Variants in KLHL1 observed in about 807,000 individuals in gnomAD.
KLHL1 encodes kelch like family member 1.
In KLHL1, 47 loss-of-function variants were observed where a neutral mutation model predicts 77.7. The ratio of observed to expected loss-of-function variants is 0.60; its 90% CI spans 0.48 to 0.77. The LOEUF is 0.77. Among genes scored for constraint, KLHL1 ranks in the 30% least tolerant of loss-of-function variants. The probability of loss-of-function intolerance (pLI) is 0.00; values close to 1 mark genes in which losing one functional copy is unlikely to be tolerated. For synonymous variants in KLHL1, 360 were observed against 325.2 expected (o/e 1.11, Z -1.15); for missense variants, 925 against 910.8 (o/e 1.02, Z -0.20).
rs1418282120 is a variant in KLHL1 at position 69,982,479 on chromosome 13, T to TAATAAA, written c.498-6678_498-6677insTTTATT. Among the ~76,000 whole-genome samples, 831 of 141,974 alleles carry TAATAAA rather than the reference T, an allele frequency of 5.9e-3. 5 individuals carry two copies. Among genetic ancestry groups the TAATAAA allele is most frequent in the Middle Eastern group, 0.011 (3 of 270 alleles). The allele number at this position is 141,974 out of a possible 152,430, so 93.1% of individuals were successfully genotyped here. On this transcript the variant is annotated intron_variant, in intron 1 of 10. Coordinates refer to ENST00000377844, the MANE Select transcript of KLHL1 (RefSeq NM_020866.3). ...ATAATAATAATAATAATAATAATAA[T>TAATAAA]AAAATAAAAAGCAATAAATCAAAAC...
At chr13:69,733,613 T>C (rs1873645149) in intron 8 of KLHL1, among the ~76,000 whole-genome samples, 1 of 152,228 alleles carries the variant, frequency 6.6e-6, no homozygotes, top group African/African-American at 2.4e-5. Context: ...TAAAGATGTT[T>C]GATCACATCA....
chr13:69,878,741 G>A (rs1880867487), intron 5 of KLHL1, among the ~76,000 whole-genome samples: 2 of 151,798 alleles, frequency 1.3e-5, no homozygotes, highest in Admixed American at 1.3e-4. Context: ...GAGAGTGAGA[G>A]AGAGAAAGAT....
chr13:69,892,090 C>A (rs1232148648), intron 4 of KLHL1, among the ~76,000 whole-genome samples: 1 of 151,972 alleles, frequency 6.6e-6, no homozygotes, highest in Non-Finnish European at 1.5e-5. Context: ...CTGGTAGAGC[C>A]TAAACTTATC....
At chr13:69,889,484 C>A (rs891482906) in intron 4 of KLHL1, among the ~76,000 whole-genome samples, 4 of 152,002 alleles carry the variant, frequency 2.6e-5, no homozygotes, top group African/African-American at 7.2e-5. Context: ...ACAACCTGGC[C>A]TATCTATTAT....
intron 6 of KLHL1, among the ~76,000 whole-genome samples, chr13:69,837,670 G>GTATATA (rs140655235): frequency 3.2e-5 from 4 of 123,974 alleles, no homozygotes; most frequent in East Asian, 4.2e-4. Context: ...GTGTGTGTGT[G>GTATATA]TATATATATA....
chr13:70,102,112 C>T (rs1462499344), intron 1 of KLHL1, among the ~76,000 whole-genome samples: 1 of 152,050 alleles, frequency 6.6e-6, no homozygotes, highest in Non-Finnish European at 1.5e-5. Context: ...TTATCATTTT[C>T]AAAGTTGGTT....
chr13:69,890,783 CTA>C, intron 4 of KLHL1, among the ~76,000 whole-genome samples: 1 of 151,912 alleles, frequency 6.6e-6, no homozygotes, highest in East Asian at 1.9e-4. Context: ...TTAGTTGAAA[CTA>C]TATATGTCTG....
chr13:69,768,732 T>C (rs1875429694), intron 7 of KLHL1, among the ~76,000 whole-genome samples: 1 of 152,152 alleles, frequency 6.6e-6, no homozygotes, highest in Non-Finnish European at 1.5e-5. Flanking sequence ...TAATACACTG[T>C]TTATGTTTTT....
rs115191088 is a variant in KLHL1, at chr13:69,778,549, G to A, written c.1639+18189C>T. ...GACAGATAAGACATAGTTCTTGATT[G>A]TACAAGAGATATCTATGGATTTCAG... On this transcript the variant is annotated intron_variant, in intron 7 of 10. Coordinates refer to ENST00000377844, the MANE Select transcript of KLHL1 (RefSeq NM_020866.3). Among the ~76,000 whole-genome samples, 1,333 of 152,150 alleles carry A rather than the reference G, an allele frequency of 8.8e-3. 8 individuals are homozygous for A. Among genetic ancestry groups the A allele is most frequent in the African/African-American group, 0.031 (1,268 of 41,500 alleles).
At chr13:69,870,765 G>C (rs577624865) in intron 5 of KLHL1, among the ~76,000 whole-genome samples, 1 of 151,988 alleles carries the variant, frequency 6.6e-6, no homozygotes, top group African/African-American at 2.4e-5. Context: ...AATCAAGCAG[G>C]AGAGACATTA....
At chr13:70,017,154 AC>A (rs577407820) in intron 1 of KLHL1, among the ~76,000 whole-genome samples, 338 of 152,320 alleles carry the variant, frequency 2.2e-3, no homozygotes, top group Non-Finnish European at 3.8e-3. Flanking sequence ...AGAACTCAGG[AC>A]CTGCCAAATG....
In KLHL1 at chr13:69,743,838, A is replaced by C. The variant is rs891402910; in HGVS notation, c.1640-3282T>G. Among the ~76,000 whole-genome samples, 8 of 145,572 alleles carry C rather than the reference A, an allele frequency of 5.5e-5. No individual in the cohort carries two copies. The East Asian group carries it at 8.2e-4, about 15-fold the overall frequency. On this transcript the variant is annotated intron_variant, in intron 7 of 10. Coordinates refer to ENST00000377844, the MANE Select transcript of KLHL1 (RefSeq NM_020866.3). ...ACAAAAAAACAGAAAAAAAAAAAAA[A>C]CAGAAGAAAGAATAAATTAGGGATA...
chr13:69,975,411 T>G (rs961313745), intron 2 of KLHL1, among the ~76,000 whole-genome samples: 5 of 152,026 alleles, frequency 3.3e-5, no homozygotes, highest in Admixed American at 3.3e-4. Context: ...TTCAAAAAAT[T>G]ATTACCTAAA....
intron 1 of KLHL1, among the ~76,000 whole-genome samples, chr13:70,082,330 CA>C (rs1887414005): frequency 7.0e-6 from 1 of 142,332 alleles, no homozygotes; most frequent in Non-Finnish European, 1.6e-5. Context: ...CACACACACA[CA>C]CACACACACA....
intron 5 of KLHL1, among the ~76,000 whole-genome samples, chr13:69,877,231 A>G (rs181716689): frequency 9.2e-5 from 14 of 152,304 alleles, no homozygotes; most frequent in African/African-American, 3.1e-4. Flanking sequence ...TTAGAAAATA[A>G]TATAGCAAAA....
intron 1 of KLHL1, among the ~76,000 whole-genome samples, chr13:70,078,517 A>G (rs1404501506): frequency 6.6e-6 from 1 of 152,098 alleles, no homozygotes; most frequent in African/African-American, 2.4e-5. Context: ...TTTGAAGGCC[A>G]CAGAGCTTAG....
chr13:69,791,876 A>C (rs969918197), intron 7 of KLHL1, among the ~76,000 whole-genome samples: 13 of 152,184 alleles, frequency 8.5e-5, no homozygotes, highest in African/African-American at 2.9e-4. Context: ...TTAGAAAATA[A>C]TTTTTTGGAT....
At chr13:70,070,333 G>T (rs1016375252) in intron 1 of KLHL1, among the ~76,000 whole-genome samples, 3 of 151,934 alleles carry the variant, frequency 2.0e-5, no homozygotes, top group African/African-American at 7.3e-5. Context: ...CAAGGAGAAA[G>T]AGGACATATT....
At chr13:69,878,242 G>GT (rs11454973) in intron 5 of KLHL1, among the ~76,000 whole-genome samples, 2,964 of 150,794 alleles carry the variant, frequency 0.02, 99 homozygotes, top group African/African-American at 0.068. Flanking sequence ...GGAAACATCT[G>GT]TTTTTTTTTA....
Sources: allele counts gnomAD v4.1 joint callset (sites outside exome capture counted in the v4.1 genomes callset), GRCh38; gene constraint gnomAD v4.1.1; transcripts MANE v1.5; gene names NCBI Gene and HGNC (gene_info 2026-07-23, HGNC 2026-07-21).